Variants in MAPK6 observed in about 807,000 individuals in gnomAD.
MAPK6 encodes the protein ERK-3.
Under a neutral mutation model 59.3 loss-of-function variants are expected in MAPK6, and 19 were observed. The ratio of observed to expected loss-of-function variants is 0.32; its 90% CI spans 0.22 to 0.47. The LOEUF (loss-of-function observed/expected upper bound fraction) is 0.47, where lower values mean the gene tolerates loss of function less well. Among genes scored for constraint, MAPK6 ranks in the 20% least tolerant of loss-of-function variants. The probability of loss-of-function intolerance (pLI) is 1.00; values close to 1 mark genes in which losing one functional copy is unlikely to be tolerated. For missense variants in MAPK6, 724 were observed against 847.9 expected (o/e 0.85, Z 1.81); for synonymous variants, 316 against 290.3 (o/e 1.09, Z -0.90).
At chr15:51,981,438 G>C (rs1249569343) in intron 1 of MAPK6, among the ~76,000 whole-genome samples, 36 of 150,310 alleles carry the variant, frequency 2.4e-4, no homozygotes, top group African/African-American at 8.3e-4. Context: ...TGCCACTGCA[G>C]TCCAGCCTGG....
intron 1 of MAPK6, among the ~76,000 whole-genome samples, chr15:52,043,018 G>C (rs1184610998): frequency 6.6e-6 from 1 of 152,082 alleles, no homozygotes; most frequent in Non-Finnish European, 1.5e-5. Flanking sequence ...CAGCTACTTG[G>C]GGGGCTGAGG....
chr15:52,064,873 C>A lies in MAPK6; in HGVS notation c.2039C>A (p.Pro680Gln). Residue 680 changes from proline to glutamine, a missense_variant, in exon 6 of 6, where the codon CCA (proline) becomes CAA (glutamine). By Grantham distance (76) the Pro-to-Gln change is moderately conservative (BLOSUM62 -1). Around this residue, in one of 4 missense-constraint regions of MAPK6, gnomAD observed 502 missense variants for 507.6 expected, o/e 0.99. Transcript: ENST00000261845. ...AAGCAGCTCGAGTCCATAGGCATCC[C>A]ACAGTTTCACAGTCCAGTTGGGTCA... ...FNKQLESIGIPQFHSPVGSPL... is the reference protein window; with the variant it reads ...FNKQLESIGIQQFHSPVGSPL... 1 of 1,611,934 alleles carries A rather than the reference C, an allele frequency of 6.2e-7. No homozygotes were observed. Among genetic ancestry groups the A allele is most frequent in the Admixed American group, 1.7e-5 (1 of 60,010 alleles).
chr15:52,061,316 C>G lies in MAPK6; in HGVS notation c.883C>G (p.Gln295Glu). The change falls in exon 5 of 6, where the codon CAA (glutamine) becomes GAA (glutamate). Residue 295 changes from glutamine to glutamate, a missense_variant. Around this residue, in one of 4 missense-constraint regions of MAPK6, gnomAD observed 502 missense variants for 507.6 expected, o/e 0.99. Coordinates refer to ENST00000261845, the MANE Select transcript of MAPK6 (RefSeq NM_002748.4). ...ISREALDFLE[Q>E]ILTFSPMDRL... ...CTCTGCAGCACTGGATTTCCTGGAACAAATTTTGACATTTAGCCCCATGGA... is the reference window on the plus strand; with the variant it reads ...CTCTGCAGCACTGGATTTCCTGGAAGAAATTTTGACATTTAGCCCCATGGA... 2 of 1,614,000 alleles carry G rather than the reference C, an allele frequency of 1.2e-6. No homozygotes were observed. Among genetic ancestry groups the G allele is most frequent in the Non-Finnish European group, 1.7e-6 (2 of 1,179,922 alleles).
chr15:52,021,150 C>G (rs1279114988), intron 1 of MAPK6, among the ~76,000 whole-genome samples: 1 of 147,284 alleles, frequency 6.8e-6, no homozygotes, highest in Non-Finnish European at 1.5e-5. Context: ...TGCACACATT[C>G]TAAAGACTAA....
rs558246329 is a variant in MAPK6, at chr15:52,039,870, T to G, written c.-631-5960T>G. 2.6e-5 allele frequency among the ~76,000 whole-genome samples: 4 copies of G among 152,306 alleles called. No homozygotes were observed. In the East Asian group the frequency reaches 7.7e-4, roughly 29 times the overall value. ...TACTGTCTTCTCTGACTTTGAAAGT[T>G]TGTCTCTGTAGATAAGCATAGTTAC... On this transcript the variant is annotated intron_variant, in intron 1 of 5. Coordinates refer to ENST00000261845, the MANE Select transcript of MAPK6 (RefSeq NM_002748.4).
At position 51,974,087 on chromosome 15, in the gene MAPK6, A is replaced by C. The variant is rs1443488678; in HGVS notation, c.-880+2181A>C. Among the ~76,000 whole-genome samples, 22 of 151,916 alleles carry C rather than the reference A, an allele frequency of 1.4e-4. 1 individual carries two copies. The highest frequency in any genetic ancestry group is 9.2e-4 in the Admixed American group (14 of 15,238). On this transcript the variant is annotated intron_variant, in intron 1 of 7. Coordinates refer to the MAPK6 transcript ENST00000691380. ...GCAGTATTTCTTACCTGAGGTTATC[A>C]CTTTGATTGAAGTTTATTTTATTTT... is the stretch of plus-strand genomic sequence containing the variant.
chr15:51,973,745 C>T (rs1254326097), intron 1 of MAPK6, among the ~76,000 whole-genome samples: 2 of 151,740 alleles, frequency 1.3e-5, no homozygotes, highest in Non-Finnish European at 2.9e-5. Context: ...CTCCACCTCC[C>T]GGGTTCGAGT....
At chr15:52,043,412 C>G (rs2031488411) in intron 1 of MAPK6, among the ~76,000 whole-genome samples, 1 of 151,630 alleles carries the variant, frequency 6.6e-6, no homozygotes, top group Admixed American at 6.6e-5. Context: ...ATTCTCTTGC[C>G]TCAGCCTCCC....
At chr15:51,993,530 GA>G (rs2057215838) in intron 2 of MAPK6, among the ~76,000 whole-genome samples, 1 of 152,072 alleles carries the variant, frequency 6.6e-6, no homozygotes, top group East Asian at 1.9e-4. Context: ...AAAACTAGAA[GA>G]ATTATTTGGT....
intron 2 of MAPK6, among the ~76,000 whole-genome samples, chr15:51,996,587 G>A (rs1042175840): frequency 1.3e-5 from 2 of 151,744 alleles, no homozygotes; most frequent in Non-Finnish European, 2.9e-5. Flanking sequence ...GTAGAAACGA[G>A]GTTTCGCCAT....
intron 2 of MAPK6, among the ~76,000 whole-genome samples, chr15:51,985,476 G>A (rs962086443): frequency 6.8e-6 from 1 of 148,094 alleles, no homozygotes; most frequent in Non-Finnish European, 1.5e-5. Context: ...CCAACATGGC[G>A]AAACCCCATA....
chr15:52,049,214 GT>G (rs1288632528), intron 2 of MAPK6, among the ~76,000 whole-genome samples: 2 of 152,140 alleles, frequency 1.3e-5, no homozygotes, highest in Non-Finnish European at 2.9e-5. Context: ...GTAGACATTG[GT>G]TTATAAGTAG....
At chr15:52,022,914 C>G (rs2030591651) in intron 1 of MAPK6, among the ~76,000 whole-genome samples, 1 of 151,878 alleles carries the variant, frequency 6.6e-6, no homozygotes, top group South Asian at 2.1e-4. Context: ...TCGAGACCAT[C>G]CTGGCCAACA....
chr15:52,064,531 TATCAAAGTCAGTAAGCCAAGAAA>T lies in MAPK6; in HGVS notation c.1699_1721del (p.Ser567ThrfsTer38). The T allele has an allele frequency of 6.2e-7, 1 of 1,610,876 alleles. No homozygotes were observed. Among genetic ancestry groups the T allele is most frequent in the Non-Finnish European group, 8.5e-7 (1 of 1,179,498 alleles). On this transcript the variant is annotated frameshift_variant, in exon 6 of 6. Coordinates refer to ENST00000261845, the MANE Select transcript of MAPK6 (RefSeq NM_002748.4). LOFTEE classifies it high-confidence loss of function. ...TCCCAACTAGAATTGAAAAGTTTGA[TATCAAAGTCAGTAAGCCAAGAAA>T]AACAGGAAAAAGGAATGGCAAATCT...
intron 3 of MAPK6, among the ~76,000 whole-genome samples, chr15:52,009,329 G>C (rs915585706): frequency 3.9e-5 from 6 of 152,182 alleles, no homozygotes; most frequent in Admixed American, 2.0e-4. Flanking sequence ...GGTCTCAAGA[G>C]GTTCAAGTTG....
At position 52,001,399 on chromosome 15, in the gene MAPK6, T is replaced by C. The variant is rs140021186; in HGVS notation, c.-769-2866T>C. Among the ~76,000 whole-genome samples, 674 of 152,336 alleles carry C rather than the reference T, an allele frequency of 4.4e-3. 2 individuals are homozygous for C. The highest frequency in any genetic ancestry group is 7.2e-3 in the Non-Finnish European group (488 of 68,024). Reference sequence around the variant, plus strand: ...TATTTCTAGACTCTCAATTCTACTCTATTGGTCTGTAGGTCTATCCTTTTG... The same window carrying C: ...TATTTCTAGACTCTCAATTCTACTCCATTGGTCTGTAGGTCTATCCTTTTG... On this transcript the variant is annotated intron_variant, in intron 2 of 7. Transcript: ENST00000691380.
At chr15:51,991,963 T>C (rs185552600) in intron 2 of MAPK6, among the ~76,000 whole-genome samples, 1 of 152,322 alleles carries the variant, frequency 6.6e-6, no homozygotes, top group East Asian at 1.9e-4. Flanking sequence ...TTTATTTATC[T>C]ATTATTTTTT....
In MAPK6 at chr15:52,019,306, G is replaced by A. The variant is rs2030392959; in HGVS notation, c.-702G>A. 1 of 152,326 alleles carries A rather than the reference G, an allele frequency of 6.6e-6. No individual in the cohort carries two copies. Among genetic ancestry groups the A allele is most frequent in the Non-Finnish European group, 1.5e-5 (1 of 68,002 alleles). The allele number at this position is 152,326 out of a possible 1,614,324, so 9.4% of individuals were successfully genotyped here. On this transcript the variant is annotated 5_prime_UTR_variant, in exon 1 of 6. Coordinates refer to ENST00000261845, the MANE Select transcript of MAPK6 (RefSeq NM_002748.4). ...CGGAGACGCCGCTGCCGCCAGCACA[G>A]CCGGAGACCTGAGCCGACACTGGGG...
At chr15:52,036,790 T>A (rs968974258) in intron 1 of MAPK6, among the ~76,000 whole-genome samples, 3 of 152,152 alleles carry the variant, frequency 2.0e-5, no homozygotes, top group African/African-American at 7.2e-5. Context: ...CTTTCCTTCC[T>A]TCCTTTTTCT....
Sources: allele counts gnomAD v4.1 joint callset (sites outside exome capture counted in the v4.1 genomes callset), GRCh38; gene constraint gnomAD v4.1.1; regional missense constraint gnomAD v4.1.1; transcripts MANE v1.5; gene names NCBI Gene and HGNC (gene_info 2026-07-23, HGNC 2026-07-21).